The following MSH3 variants were observed in gnomAD, a reference collection of about 807,000 sequenced individuals.
The protein encoded by MSH3 is mutS homolog 3, also known as DNA mismatch repair protein Msh3.
MSH3 carries 106 observed loss-of-function variants against 123.3 expected under a neutral mutation model. That is an observed-to-expected ratio of 0.86 (90% CI 0.73 to 1.01). The LOEUF is 1.01. MSH3 is among the 50% of genes least tolerant of loss of function. MSH3 has a pLI of 0.00. For missense variants in MSH3, 1,459 were observed against 1,347.6 expected (o/e 1.08, Z -1.29); for synonymous variants, 515 against 481.4 (o/e 1.07, Z -0.91).
intron 10 of MSH3, among the ~76,000 whole-genome samples, chr5:80,733,418 A>G (rs1471410526): frequency 6.6e-6 from 1 of 152,178 alleles, no homozygotes; most frequent in East Asian, 1.9e-4. Context: ...GAATGAGGCA[A>G]TGATTTCTTA....
At chr5:80,708,994 C>G (rs1265476972) in intron 8 of MSH3, among the ~76,000 whole-genome samples, 2 of 152,072 alleles carry the variant, frequency 1.3e-5, no homozygotes, top group Non-Finnish European at 2.9e-5. Context: ...AGGCTGGTCT[C>G]AAACTCCTGA....
At chr5:80,672,959 CT>C in intron 6 of MSH3, 101 bp downstream of exon 6, 3 of 903,338 alleles carry the variant, frequency 3.3e-6, no homozygotes, top group Non-Finnish European at 5.5e-6. Flanking sequence ...TCTTTGGGAA[CT>C]TTTTAGATGA....
At chr5:80,866,166 G>C (rs1746094713) in intron 22 of MSH3, among the ~76,000 whole-genome samples, 1 of 152,042 alleles carries the variant, frequency 6.6e-6, no homozygotes, top group East Asian at 1.9e-4. Flanking sequence ...GTTGAGATGG[G>C]GTGTCACTGT....
chr5:80,741,283 C>T (rs537635581), intron 10 of MSH3, among the ~76,000 whole-genome samples, 181 bp from the exon 11 acceptor site: 1 of 152,012 alleles, frequency 6.6e-6, no homozygotes, highest in Admixed American at 6.6e-5. Context: ...ATCTACTTAA[C>T]AGCACCAGCG....
chr5:80,665,628 C>A (rs2112809186), intron 3 of MSH3, among the ~76,000 whole-genome samples: 1 of 152,054 alleles, frequency 6.6e-6, no homozygotes, highest in South Asian at 2.1e-4. Flanking sequence ...GATCAGGAGC[C>A]CTTGACTTGG....
At chr5:80,764,110 A>G (rs1321355358) in intron 13 of MSH3, among the ~76,000 whole-genome samples, 1 of 152,224 alleles carries the variant, frequency 6.6e-6, no homozygotes, top group Non-Finnish European at 1.5e-5. Flanking sequence ...ACACCATCAA[A>G]CATATGTCTG....
rs1377905049 is a variant in MSH3, at chr5:80,792,789, TTGA to T, written c.2603_2605del (p.Asp868del). The T allele has an allele frequency of 6.2e-7, 1 of 1,613,534 alleles. No homozygotes were observed. ...ATAAAAAATGGAAGGCACCCTGTGA[TTGA>T]TGTGTTGCTGGGAGAACAGGATCAA... On this transcript the variant is annotated inframe_deletion, in exon 19 of 24. Coordinates refer to ENST00000265081, the MANE Select transcript of MSH3 (RefSeq NM_002439.5).
At chr5:80,722,637 C>T (rs1181033118) in intron 8 of MSH3, among the ~76,000 whole-genome samples, 5 of 152,212 alleles carry the variant, frequency 3.3e-5, no homozygotes, top group South Asian at 2.1e-4. Flanking sequence ...GGTATGTGTA[C>T]GTATCTAAGA....
intron 8 of MSH3, among the ~76,000 whole-genome samples, chr5:80,724,541 CAT>C (rs1743223626): frequency 6.6e-6 from 1 of 151,994 alleles, no homozygotes; most frequent in Non-Finnish European, 1.5e-5. Context: ...AGTCAAAAAA[CAT>C]AGAAAAAGAA....
At chr5:80,750,120 A>T (rs1186016238) in intron 12 of MSH3, among the ~76,000 whole-genome samples, 2 of 97,578 alleles carry the variant, frequency 2.0e-5, no homozygotes, top group Non-Finnish European at 3.8e-5. Flanking sequence ...TGTCACATTT[A>T]AAAAATCTAT....
chr5:80,730,553 C>T (rs1743391885), intron 10 of MSH3, among the ~76,000 whole-genome samples: 1 of 152,020 alleles, frequency 6.6e-6, no homozygotes, highest in African/African-American at 2.4e-5. Context: ...TAAAAAGTGT[C>T]AGCCCGGCAT....
chr5:80,742,012 T>C (rs1561462597), intron 11 of MSH3, among the ~76,000 whole-genome samples: 1 of 151,948 alleles, frequency 6.6e-6, no homozygotes, highest in Non-Finnish European at 1.5e-5. Context: ...TCTTTTTTTT[T>C]TTTTCTTCTT....
intron 20 of MSH3, 136 bp downstream of exon 20, chr5:80,813,877 A>C: frequency 9.9e-7 from 1 of 1,005,586 alleles, no homozygotes; most frequent in Middle Eastern, 2.6e-4. Context: ...AAATTATTTC[A>C]AGGCCGGGCA....
At chr5:80,677,028 G>C (rs1452919780) in intron 7 of MSH3, among the ~76,000 whole-genome samples, 1 of 152,122 alleles carries the variant, frequency 6.6e-6, no homozygotes, top group East Asian at 1.9e-4. Context: ...CTGGGTCCAG[G>C]CTGCACCTCT....
At chr5:80,713,917 A>C (rs1411139163) in intron 8 of MSH3, among the ~76,000 whole-genome samples, 2 of 152,136 alleles carry the variant, frequency 1.3e-5, no homozygotes, top group Non-Finnish European at 2.9e-5. Flanking sequence ...ACTTCTTTGC[A>C]GGTGACTCTG....
chr5:80,801,543 C>CATCCTCAA (rs1253150101), intron 19 of MSH3, among the ~76,000 whole-genome samples: 1 of 152,182 alleles, frequency 6.6e-6, no homozygotes, highest in African/African-American at 2.4e-5. Context: ...TCTTCTTTGA[C>CATCCTCAA]ATCCTCAAAT....
chr5:80,801,424 C>T (rs6151868), intron 19 of MSH3, among the ~76,000 whole-genome samples: 16 of 152,148 alleles, frequency 1.1e-4, no homozygotes, highest in Non-Finnish European at 2.2e-4. Flanking sequence ...CAACTTATCT[C>T]GTGCTGGCAG....
intron 19 of MSH3, among the ~76,000 whole-genome samples, chr5:80,806,758 A>C (rs1238949016): frequency 2.0e-5 from 3 of 152,172 alleles, no homozygotes; most frequent in African/African-American, 7.2e-5. Flanking sequence ...TGGGGGAAAA[A>C]AATTGAGATT....
intron 21 of MSH3, among the ~76,000 whole-genome samples, chr5:80,859,712 C>CTTTTTT (rs373044585): frequency 2.3e-5 from 3 of 130,150 alleles, no homozygotes; most frequent in African/African-American, 5.8e-5. Flanking sequence ...CATTTTCTCT[C>CTTTTTT]TTTTTTTTTT....
Sources: allele counts gnomAD v4.1 joint callset (sites outside exome capture counted in the v4.1 genomes callset), GRCh38; gene constraint gnomAD v4.1.1; transcripts MANE v1.5; gene names NCBI Gene and HGNC (gene_info 2026-07-23, HGNC 2026-07-21).